PCDHA2: variants seen among roughly 807,000 people sequenced by gnomAD.
PCDHA2 encodes protocadherin alpha-2.
A neutral mutation model predicts 66.0 loss-of-function variants in PCDHA2; 58 were observed. The observed-to-expected ratio is 0.88, with a 90% CI of 0.71 to 1.09. The LOEUF (loss-of-function observed/expected upper bound fraction) is 1.09, where lower values mean the gene tolerates loss of function less well. Among genes scored for constraint, PCDHA2 ranks in the 50% least tolerant of loss-of-function variants. The pLI is 0.00. For missense variants in PCDHA2, 1,267 were observed against 1,242.3 expected, an observed-to-expected ratio of 1.02 and a Z score of -0.30; for synonymous variants, 634 against 554.0, an observed-to-expected ratio of 1.14 and a Z score of -2.03.
At chr5:140,891,246 A>AT (rs1213637493) in intron 1 of PCDHA2, among the ~76,000 whole-genome samples, 11 of 151,766 alleles carry the variant, frequency 7.2e-5, no homozygotes, top group South Asian at 2.1e-4. Context: ...ATTCAGTAGG[A>AT]TTTTTTTTAA....
intron 2 of PCDHA2, among the ~76,000 whole-genome samples, chr5:140,981,637 C>A (rs1229068909): frequency 6.6e-6 from 1 of 152,150 alleles, no homozygotes; most frequent in Non-Finnish European, 1.5e-5. Context: ...TGGACATTTT[C>A]TCTTAGGATC....
Position 140,850,049 on chromosome 5 carries a change from C to T in PCDHA2, c.2388+52697C>T, listed in dbSNP as rs1354549642. 22 of 1,596,350 alleles carry T rather than the reference C, an allele frequency of 1.4e-5. 2 individuals carry two copies. Among genetic ancestry groups the T allele is most frequent in the Non-Finnish European group, 1.9e-5 (22 of 1,167,808 alleles). Reference sequence around the variant, plus strand: ...TGCACGCGGAGAGCGGCAAGGTGTACGCGCTGCAGCCGTTGGACCACGAGG... The same window carrying T: ...TGCACGCGGAGAGCGGCAAGGTGTATGCGCTGCAGCCGTTGGACCACGAGG... On this transcript the variant is annotated intron_variant, in intron 1 of 3. Coordinates refer to ENST00000526136, the MANE Select transcript of PCDHA2 (RefSeq NM_018905.3).
At chr5:140,849,336 T>G in intron 1 of PCDHA2, 8 of 1,396,714 alleles carry the variant, frequency 5.7e-6, no homozygotes, top group Non-Finnish European at 6.9e-6. Context: ...TATTTACTCC[T>G]TCTCCAGTGA....
chr5:140,808,800 G>A, intron 1 of PCDHA2: 1 of 1,612,608 alleles, frequency 6.2e-7, no homozygotes, highest in African/African-American at 1.3e-5. Flanking sequence ...GTGACCGCTC[G>A]CGATGCCGGC....
intron 3 of PCDHA2, among the ~76,000 whole-genome samples, chr5:140,994,024 A>G (rs1440214596): frequency 6.6e-6 from 1 of 152,234 alleles, no homozygotes; most frequent in East Asian, 1.9e-4. Context: ...TGATGCAGAT[A>G]TAATATTAAA....
At chr5:140,947,299 C>T (rs547529076) in intron 1 of PCDHA2, among the ~76,000 whole-genome samples, 1 of 151,554 alleles carries the variant, frequency 6.6e-6, no homozygotes, top group South Asian at 2.1e-4. Context: ...ATTATCTTGA[C>T]ATCTTTGTAA....
Position 140,850,293 on chromosome 5 carries a change from G to T in PCDHA2, c.2388+52941G>T. On this transcript the variant is annotated intron_variant, in intron 1 of 3. Coordinates refer to ENST00000526136, the MANE Select transcript of PCDHA2 (RefSeq NM_018905.3). ...GGGGAAGGTGCGCGCAGTGGACGCC[G>T]ACTCGGGCTACAACGCGTGGCTTTC... 6.3e-6 allele frequency: 10 copies of T among 1,596,280 alleles called. 2 individuals are homozygous for T. The highest frequency in any genetic ancestry group is 8.6e-6 in the Non-Finnish European group (10 of 1,167,618).
rs2150157115 is a variant in PCDHA2, at chr5:140,828,583, A to G, written c.2388+31231A>G. 8.7e-6 allele frequency: 14 copies of G among 1,614,126 alleles called. No individual in the cohort carries two copies. In the Admixed American group the frequency reaches 2.3e-4, roughly 27 times the overall value. ...GCGCGTCCGATGCAGATGTTGGCTC[A>G]AATTCCATCTTAACCTATAAACTCA... On this transcript the variant is annotated intron_variant, in intron 1 of 3. Transcript: ENST00000526136.
rs1554119483 is a variant in PCDHA2, at chr5:140,795,540, G to A, written c.576G>A (p.Leu192=). The part of the protein sequence containing the change: ...IQANDELSES[L]SLVLGKSLDR... ...CAAATGATGAACTAAGCGAATCTTT[G>A]TCTCTCGTGCTGGGGAAATCGCTGG... The change falls in exon 1 of 4, where the codon TTG becomes TTA. Residue 192 remains leucine (L), a synonymous_variant. Transcript: ENST00000526136. 6.2e-7 allele frequency: 1 copy of A among 1,613,988 alleles called. No homozygotes were observed. The highest frequency in any genetic ancestry group is 1.3e-5 in the African/African-American group (1 of 74,908).
intron 1 of PCDHA2, chr5:140,863,344 T>C (rs1554158123): frequency 1.5e-6 from 2 of 1,323,546 alleles, no homozygotes; most frequent in Admixed American, 1.8e-5. Context: ...GTTGCTGCTG[T>C]ACACGACGCT....
chr5:140,827,858 A>G (rs1273847275), intron 1 of PCDHA2: 5 of 508,162 alleles, frequency 9.8e-6, no homozygotes, highest in Non-Finnish European at 1.7e-5. Flanking sequence ...TTAAAAATAT[A>G]TGGTATAGCA....
rs781967971 is a variant in PCDHA2 at position 140,875,741 on chromosome 5, T to C, written c.2388+78389T>C. 10 of 1,614,098 alleles carry C rather than the reference T, an allele frequency of 6.2e-6. No homozygotes were observed. The highest frequency in any genetic ancestry group is 8.5e-6 in the Non-Finnish European group (10 of 1,180,040). On this transcript the variant is annotated intron_variant, in intron 1 of 3. Coordinates refer to ENST00000526136, the MANE Select transcript of PCDHA2 (RefSeq NM_018905.3). ...GGCATTTTGTTTGTGAATTCTCGGA[T>C]CGACCGCGAGAAGCTGTGCGGGCGG...
At chr5:140,964,792 C>T (rs183206526) in intron 1 of PCDHA2, among the ~76,000 whole-genome samples, 5 of 151,738 alleles carry the variant, frequency 3.3e-5, no homozygotes, top group African/African-American at 7.3e-5. Context: ...AAGCCAGAGA[C>T]CCAAGAAAGG....
At chr5:140,926,664 C>T (rs2083450429) in intron 1 of PCDHA2, 1 of 546,968 alleles carries the variant, frequency 1.8e-6, no homozygotes, top group East Asian at 3.5e-5. Context: ...CTTTCCCAGA[C>T]GGCTGCCCAG....
chr5:140,974,720 C>T (rs1554236283), intron 1 of PCDHA2, among the ~76,000 whole-genome samples: 1 of 152,070 alleles, frequency 6.6e-6, no homozygotes, highest in African/African-American at 2.4e-5. Context: ...AAGCTGCTCT[C>T]GAACTCCTGT....
chr5:140,967,529 C>A, intron 1 of PCDHA2: 1 of 1,613,244 alleles, frequency 6.2e-7, no homozygotes, highest in South Asian at 1.1e-5. Context: ...CGACAACTCT[C>A]CTGCCTTTGA....
intron 3 of PCDHA2, among the ~76,000 whole-genome samples, chr5:140,990,798 A>G (rs1554251753): frequency 6.6e-6 from 1 of 152,208 alleles, no homozygotes; most frequent in Admixed American, 6.5e-5. Context: ...ACCATGGAAT[A>G]CAGAAGAAGC....
At chr5:140,985,684 C>T (rs2097164164) in intron 3 of PCDHA2, among the ~76,000 whole-genome samples, 1 of 151,578 alleles carries the variant, frequency 6.6e-6, no homozygotes, top group Non-Finnish European at 1.5e-5. Flanking sequence ...CTGCCTTACG[C>T]TAATCCTCGT....
chr5:141,006,948 A>G (rs1432589918), intron 3 of PCDHA2, among the ~76,000 whole-genome samples: 3 of 152,194 alleles, frequency 2.0e-5, no homozygotes, highest in African/African-American at 7.2e-5. Flanking sequence ...CCAGATAGGC[A>G]GTTATACATG....
Sources: gnomAD v4.1 joint callset for allele counts (sites outside exome capture counted in the v4.1 genomes callset) on GRCh38, gnomAD v4.1.1 for gene constraint, MANE v1.5 for transcripts, NCBI Gene and HGNC (gene_info 2026-07-23, HGNC 2026-07-21) for gene names.